Variants in MYO1H observed in about 807,000 individuals in gnomAD.
MYO1H encodes the protein unconventional myosin-Ih.
A neutral mutation model predicts 149.3 loss-of-function variants in MYO1H; 118 were observed. That is an observed-to-expected ratio of 0.79 (90% CI 0.68 to 0.92). The LOEUF (loss-of-function observed/expected upper bound fraction) is 0.92, where lower values mean the gene tolerates loss of function less well. Ranked by LOEUF, MYO1H falls within the 40% of genes least tolerant of loss-of-function variation. The pLI, the probability that MYO1H is intolerant of heterozygous loss-of-function variation, is 0.00. For synonymous variants in MYO1H, 447 were observed against 465.2 expected (o/e 0.96, Z 0.50); for missense variants, 1,212 against 1,280.7 (o/e 0.95, Z 0.82).
rs1395664577 is a variant in MYO1H, at chr12:109,408,749, T to C, written c.1156-808T>C. Among the ~76,000 whole-genome samples the C allele has an allele frequency of 2.0e-5, 3 of 152,238 alleles. No homozygotes were observed. The East Asian group carries it at 5.8e-4, about 29-fold the overall frequency. Reference sequence around the variant, plus strand: ...AGTGACTTAGGACACTCATACAGAGTATTTAATTGTGTCCCTTTAAAACTA... The same window carrying C: ...AGTGACTTAGGACACTCATACAGAGCATTTAATTGTGTCCCTTTAAAACTA... On this transcript the variant is annotated intron_variant, in intron 10 of 31. Coordinates refer to ENST00000310903, the Ensembl canonical transcript of MYO1H.
intron 15 of MYO1H, among the ~76,000 whole-genome samples, chr12:109,420,495 T>C (rs1871127898): frequency 6.6e-6 from 1 of 152,054 alleles, no homozygotes; most frequent in South Asian, 2.1e-4. Flanking sequence ...GAAGCAGGCA[T>C]GTCTAACATG....
intron 21 of MYO1H, 106 bp downstream of exon 21, chr12:109,435,219 C>A: frequency 2.9e-6 from 2 of 685,802 alleles, no homozygotes; most frequent in Non-Finnish European, 4.8e-6. Context: ...TAGAAGCATT[C>A]GCTTTGGAAA....
chr12:109,443,885 A>G (rs1377874272), intron 28 of MYO1H, among the ~76,000 whole-genome samples: 1 of 151,506 alleles, frequency 6.6e-6, no homozygotes, highest in Non-Finnish European at 1.5e-5. Context: ...CTGGGTGGCA[A>G]AGTGAGACTC....
intron 1 of MYO1H, among the ~76,000 whole-genome samples, chr12:109,369,563 A>T (rs552836286): frequency 9.2e-5 from 14 of 152,300 alleles, no homozygotes; most frequent in African/African-American, 3.4e-4. Context: ...TCTCTCTCTC[A>T]CACACACCCC....
chr12:109,401,019 C>A, intron 5 of MYO1H, 74 bp from the exon 6 acceptor site: 2 of 1,322,918 alleles, frequency 1.5e-6, no homozygotes, highest in Non-Finnish European at 2.1e-6. Context: ...CTTAGAACTT[C>A]GGGCCATCAG....
rs1293324160 is a variant in MYO1H, at chr12:109,427,593, T to C, written c.1949+7T>C. 6.3e-7 allele frequency: 1 copy of C among 1,580,798 alleles called. No individual in the cohort carries two copies. ...ACGAGCATTTCTTGCAAAGGTAAAA[T>C]GTGCTTTATTGATCTGAAGCCAATA... On this transcript the variant is annotated splice_region_variant and intron_variant, in intron 19 of 31. Coordinates refer to ENST00000310903, the Ensembl canonical transcript of MYO1H.
intron 7 of MYO1H, among the ~76,000 whole-genome samples, chr12:109,405,447 A>T (rs1197044500): frequency 6.6e-6 from 1 of 151,992 alleles, no homozygotes; most frequent in Admixed American, 6.6e-5. Context: ...AGTAGCTGGG[A>T]CTACAGGCAC....
intron 4 of MYO1H, 134 bp from the exon 5 acceptor site, chr12:109,397,598 A>G (rs1232134301): frequency 1.9e-5 from 11 of 574,596 alleles, no homozygotes; most frequent in Middle Eastern, 2.7e-4. Flanking sequence ...TTCTTAGAAG[A>G]TAAAGCATGC....
At chr12:109,371,845 C>T (rs1039496600) in intron 1 of MYO1H, among the ~76,000 whole-genome samples, 3 of 152,138 alleles carry the variant, frequency 2.0e-5, no homozygotes, top group Non-Finnish European at 4.4e-5. Context: ...ACTTAGCTAT[C>T]AGAGTGCCAA....
intron 24 of MYO1H, 178 bp from the exon 25 acceptor site, chr12:109,440,566 C>A: frequency 1.7e-6 from 1 of 576,492 alleles, no homozygotes; most frequent in Non-Finnish European, 3.1e-6. Context: ...CGTTAAGCAA[C>A]AGCAAAAAGT....
chr12:109,416,848 A>T lies in MYO1H; in HGVS notation c.1597+1228A>T, dbSNP rs115372615. On this transcript the variant is annotated intron_variant, in intron 15 of 31. Transcript: ENST00000310903. ...ACTAAAAATACAAAAATTATGTTAA[A>T]AATACAAAATTAGCCGGGCGTGGTG... Among the ~76,000 whole-genome samples, 938 of 152,242 alleles carry T rather than the reference A, an allele frequency of 6.2e-3. 16 individuals carry two copies. Among genetic ancestry groups the T allele is most frequent in the African/African-American group, 0.022 (915 of 41,544 alleles).
chr12:109,443,104 G>GTATGTGTGTATATATGTGTACA (rs1872261851), intron 27 of MYO1H, among the ~76,000 whole-genome samples: 3 of 34,686 alleles, frequency 8.6e-5, no homozygotes, highest in African/African-American at 4.1e-4. Flanking sequence ...ATATGTGTAC[G>GTATGTGTGTATATATGTGTACA]TATATGTGTG....
intron 4 of MYO1H, among the ~76,000 whole-genome samples, chr12:109,396,937 C>T (rs1869944030): frequency 7.0e-6 from 1 of 142,602 alleles, no homozygotes; most frequent in South Asian, 2.4e-4. Context: ...AAGCAATTCT[C>T]CTGCTTCAGC....
the MYO1H span, among the ~76,000 whole-genome samples, chr12:109,327,121 T>C: frequency 7.9e-6 from 1 of 127,276 alleles, no homozygotes; most frequent in Non-Finnish European, 1.6e-5. Flanking sequence ...CTTTTCTTTT[T>C]CTTTTTCTTT....
intron 19 of MYO1H, 85 bp from the exon 20 acceptor site, chr12:109,432,812 T>C (rs1871689451): frequency 9.0e-7 from 1 of 1,111,458 alleles, no homozygotes; most frequent in African/African-American, 1.5e-5. Context: ...ACAGCAGTGC[T>C]CAGCAGGCCT....
intron 6 of MYO1H, among the ~76,000 whole-genome samples, chr12:109,401,983 G>A (rs776544885): frequency 3.9e-5 from 6 of 152,096 alleles, no homozygotes; most frequent in South Asian, 2.1e-4. Context: ...AGAGAGATCC[G>A]CCTGCCTCAG....
At chr12:109,329,570 T>C in the MYO1H span, among the ~76,000 whole-genome samples, 1 of 152,190 alleles carries the variant, frequency 6.6e-6, no homozygotes. Context: ...TTACTTCTTA[T>C]GCTAGAAAAT....
chr12:109,443,824 G>C (rs1013366293), intron 28 of MYO1H, among the ~76,000 whole-genome samples, 175 bp downstream of exon 28: 2 of 151,770 alleles, frequency 1.3e-5, no homozygotes, highest in Non-Finnish European at 2.9e-5. Context: ...GATCACTTGA[G>C]CCTGGGAATT....
chr12:109,397,520 T>C (rs958023679), intron 4 of MYO1H, among the ~76,000 whole-genome samples: 1 of 152,170 alleles, frequency 6.6e-6, no homozygotes, highest in East Asian at 1.9e-4. Context: ...GAAGAAGATA[T>C]TGTTCCCCTT....
Sources: gnomAD v4.1 joint callset for allele counts (sites outside exome capture counted in the v4.1 genomes callset) on GRCh38, gnomAD v4.1.1 for gene constraint, MANE v1.5 for transcripts, NCBI Gene and HGNC (gene_info 2026-07-23, HGNC 2026-07-21) for gene names.